Variants in PTGFR observed in about 807,000 individuals in gnomAD.
The protein encoded by PTGFR is prostaglandin F2-alpha receptor.
PTGFR carries 15 observed loss-of-function variants against 26.2 expected under a neutral mutation model. The observed-to-expected ratio is 0.57, with a 90% CI of 0.38 to 0.88. The LOEUF is 0.88. Ranked by LOEUF, PTGFR falls within the 40% of genes least tolerant of loss-of-function variation. The probability of loss-of-function intolerance (pLI) is 0.00; values close to 1 mark genes in which losing one functional copy is unlikely to be tolerated. For synonymous variants in PTGFR, 165 were observed against 151.1 expected (o/e 1.09, Z -0.68); for missense variants, 369 against 427.2 (o/e 0.86, Z 1.20).
At chr1:78,516,240 A>AT (rs1650087890) in intron 2 of PTGFR, among the ~76,000 whole-genome samples, 1 of 152,212 alleles carries the variant, frequency 6.6e-6, no homozygotes, top group Non-Finnish European at 1.5e-5. Flanking sequence ...TGTGGAAAAT[A>AT]TTTATGACTA....
At chr1:78,528,056 T>C (rs1209503151) in intron 2 of PTGFR, among the ~76,000 whole-genome samples, 2 of 151,932 alleles carry the variant, frequency 1.3e-5, no homozygotes, top group Admixed American at 6.6e-5. Context: ...GGAGACAGAT[T>C]GGCACTGAAC....
rs192820859 is a variant in PTGFR, at chr1:78,492,723, T to C, written c.-21T>C. 808 of 1,588,764 alleles carry C rather than the reference T, an allele frequency of 5.1e-4. 8 individuals are homozygous for C. The African/African-American group carries it at 1.0e-2, about 20-fold the overall frequency. On this transcript the variant is annotated 5_prime_UTR_variant, in exon 2 of 3. Transcript: ENST00000370757. ...TTTGAGAGGGAGATGACTTGAGTGG[T>C]TGGCTTTTATCTCCACAACAATGTC...
At chr1:78,500,193 T>C (rs1557648669) in intron 2 of PTGFR, among the ~76,000 whole-genome samples, 1 of 152,224 alleles carries the variant, frequency 6.6e-6, no homozygotes, top group Non-Finnish European at 1.5e-5. Flanking sequence ...ATATGGAAAT[T>C]TGTCTGAAGC....
At chr1:78,515,351 T>C (rs1411173269) in intron 2 of PTGFR, among the ~76,000 whole-genome samples, 1 of 152,152 alleles carries the variant, frequency 6.6e-6, no homozygotes, top group Non-Finnish European at 1.5e-5. Flanking sequence ...GTAAATACCA[T>C]TTATTAACTA....
chr1:78,493,886 A>T (rs1041229869), intron 2 of PTGFR, among the ~76,000 whole-genome samples: 2 of 145,568 alleles, frequency 1.4e-5, no homozygotes, highest in Admixed American at 1.3e-4. Context: ...AACAGATTGC[A>T]GTAAGTCTTG....
chr1:78,497,702 A>G (rs1408062885), intron 2 of PTGFR, among the ~76,000 whole-genome samples: 2 of 152,188 alleles, frequency 1.3e-5, no homozygotes. Context: ...AAGATTGGAA[A>G]TGATTGACCA....
At chr1:78,530,825 A>G (rs1650489302) in intron 2 of PTGFR, among the ~76,000 whole-genome samples, 1 of 152,170 alleles carries the variant, frequency 6.6e-6, no homozygotes, top group Non-Finnish European at 1.5e-5. Flanking sequence ...TGAAATCCAG[A>G]TAGACTTGGG....
intron 2 of PTGFR, among the ~76,000 whole-genome samples, chr1:78,531,443 T>G (rs1491003804): frequency 2.0e-5 from 3 of 152,152 alleles, no homozygotes. Context: ...GGCCCTTCCT[T>G]AAGAACAGCG....
chr1:78,492,467 A>T (rs1384475840), intron 1 of PTGFR, among the ~76,000 whole-genome samples: 1 of 152,190 alleles, frequency 6.6e-6, no homozygotes, highest in Admixed American at 6.5e-5. Flanking sequence ...AAGTTAACCA[A>T]GGGGTCTCAA....
At chr1:78,492,560 T>C (rs949296465) in intron 1 of PTGFR, 112 bp from the exon 2 acceptor site, 1 of 578,540 alleles carries the variant, frequency 1.7e-6, no homozygotes, top group Admixed American at 3.3e-5. Flanking sequence ...CAACCTTGCT[T>C]ATGATAGGCC....
chr1:78,501,488 A>G (rs1035648746), intron 2 of PTGFR, among the ~76,000 whole-genome samples: 6 of 152,168 alleles, frequency 3.9e-5, no homozygotes, highest in Admixed American at 3.9e-4. Context: ...TGGGTGTAAC[A>G]CAGCTAATGC....
chr1:78,518,227 T>C (rs1421071066), intron 2 of PTGFR, among the ~76,000 whole-genome samples: 1 of 152,192 alleles, frequency 6.6e-6, no homozygotes, highest in Non-Finnish European at 1.5e-5. Context: ...TAGTTATGTC[T>C]TATCTATTCT....
chr1:78,527,557 A>G (rs1004512086), intron 2 of PTGFR, among the ~76,000 whole-genome samples: 4 of 152,130 alleles, frequency 2.6e-5, no homozygotes, highest in African/African-American at 9.7e-5. Flanking sequence ...AGAGAGAGAG[A>G]AAAAAAGACT....
intron 2 of PTGFR, 41 bp downstream of exon 2, chr1:78,493,582 T>C (rs750592943): frequency 2.7e-6 from 4 of 1,491,488 alleles, no homozygotes; most frequent in Non-Finnish European, 3.6e-6. Flanking sequence ...CTTGGGTTAA[T>C]CCATGTTCAA....
At chr1:78,497,252 A>G (rs1649575881) in intron 2 of PTGFR, among the ~76,000 whole-genome samples, 1 of 152,208 alleles carries the variant, frequency 6.6e-6, no homozygotes, top group East Asian at 1.9e-4. Flanking sequence ...TTTTAAACAC[A>G]GTTAATTCAT....
In PTGFR at chr1:78,492,842, A is replaced by G; in HGVS notation, c.99A>G (p.Ser33=). Residue 33 remains serine, a synonymous_variant, in exon 2 of 3, where the codon TCA becomes TCG. Transcript: ENST00000370757. ...QTENRLSVFF[S]VIFMTVGILS... Reference sequence around the variant, plus strand: ...AAAACCGGCTTTCCGTATTTTTTTCAGTAATCTTCATGACAGTGGGAATCT... The same window carrying G: ...AAAACCGGCTTTCCGTATTTTTTTCGGTAATCTTCATGACAGTGGGAATCT... 6.2e-7 allele frequency: 1 copy of G among 1,614,220 alleles called. No individual in the cohort carries two copies.
At chr1:78,506,682 T>C (rs993215328) in intron 2 of PTGFR, among the ~76,000 whole-genome samples, 14 of 152,120 alleles carry the variant, frequency 9.2e-5, no homozygotes, top group African/African-American at 3.4e-4. Flanking sequence ...TCTAATAAAA[T>C]GTAATAACCT....
In PTGFR at chr1:78,499,772, C is replaced by T. The variant is rs371483038; in HGVS notation, c.798+6231C>T. On this transcript the variant is annotated intron_variant, in intron 2 of 2. Transcript: ENST00000370757. ...CATCTAGAGGAATTTCATGGACATA[C>T]TAGGCTTGGTATTTTATTTTATGAT... Among the ~76,000 whole-genome samples, 5 of 152,280 alleles carry T rather than the reference C, an allele frequency of 3.3e-5. No homozygotes were observed. The East Asian group carries it at 9.6e-4, about 29-fold the overall frequency.
intron 2 of PTGFR, among the ~76,000 whole-genome samples, chr1:78,534,240 G>A (rs995908636): frequency 5.9e-5 from 9 of 152,138 alleles, no homozygotes; most frequent in Admixed American, 4.6e-4. Flanking sequence ...ATACAAGTGC[G>A]GGTGGGCTAG....
Sources: allele counts gnomAD v4.1 joint callset (sites outside exome capture counted in the v4.1 genomes callset), GRCh38; gene constraint gnomAD v4.1.1; transcripts MANE v1.5; gene names NCBI Gene and HGNC (gene_info 2026-07-23, HGNC 2026-07-21).